Variants in LUZP2 observed in about 807,000 individuals in gnomAD.
The protein encoded by LUZP2 is leucine zipper protein 2.
LUZP2 carries 52 observed loss-of-function variants against 51.6 expected under a neutral mutation model. The ratio of observed to expected loss-of-function variants is 1.01; its 90% CI spans 0.81 to 1.27. LUZP2 has a LOEUF of 1.27. Ranked by LOEUF, LUZP2 falls within the 50% of genes most tolerant of loss-of-function variation. The pLI is 0.00. For missense variants in LUZP2, 436 were observed against 395.4 expected (o/e 1.10, Z -0.87); for synonymous variants, 154 against 137.3 (o/e 1.12, Z -0.85).
intron 1 of LUZP2, among the ~76,000 whole-genome samples, chr11:24,626,979 C>T (rs922754265): frequency 2.0e-5 from 3 of 151,520 alleles, no homozygotes; most frequent in Non-Finnish European, 3.0e-5. Flanking sequence ...CAACTCTAAT[C>T]GACAGGGCAA....
intron 1 of LUZP2, among the ~76,000 whole-genome samples, chr11:24,533,625 T>C (rs1443843122): frequency 6.6e-6 from 1 of 151,312 alleles, no homozygotes; most frequent in Non-Finnish European, 1.5e-5. Flanking sequence ...TTGCTACTTC[T>C]GTTATATATC....
At chr11:24,965,754 G>T (rs1565169167) in intron 7 of LUZP2, among the ~76,000 whole-genome samples, 2 of 151,674 alleles carry the variant, frequency 1.3e-5, no homozygotes, top group East Asian at 3.9e-4. Flanking sequence ...ATATTAAATG[G>T]CTCATTTAAA....
chr11:24,678,860 A>C (rs760610658), intron 1 of LUZP2, among the ~76,000 whole-genome samples: 1 of 152,206 alleles, frequency 6.6e-6, no homozygotes, highest in African/African-American at 2.4e-5. Flanking sequence ...ATTGAGAAGC[A>C]TTTATTCTTC....
chr11:25,068,246 A>G (rs949882966), intron 10 of LUZP2, among the ~76,000 whole-genome samples: 3 of 151,914 alleles, frequency 2.0e-5, no homozygotes, highest in South Asian at 2.1e-4. Flanking sequence ...GCAAACCACA[A>G]TGGCACGTGT....
At chr11:24,595,895 T>C (rs181970918) in intron 1 of LUZP2, among the ~76,000 whole-genome samples, 8 of 152,314 alleles carry the variant, frequency 5.3e-5, no homozygotes, top group Admixed American at 2.0e-4. Flanking sequence ...GACTGAGACA[T>C]GGAGTCAATT....
Position 24,951,120 on chromosome 11 carries a change from T to C in LUZP2, c.523-25471T>C, listed in dbSNP as rs116655871. 5.1e-3 allele frequency among the ~76,000 whole-genome samples: 772 copies of C among 151,642 alleles called. 5 individuals are homozygous for C. Among genetic ancestry groups the C allele is most frequent in the African/African-American group, 0.018 (737 of 41,476 alleles). On this transcript the variant is annotated intron_variant, in intron 7 of 11. Coordinates refer to ENST00000336930, the MANE Select transcript of LUZP2 (RefSeq NM_001009909.4). ...AACAACATAATAACTGGGAATAAAA[T>C]GTACATTATCTTATGTAGATTTGCG...
intron 1 of LUZP2, among the ~76,000 whole-genome samples, chr11:24,509,350 T>C (rs1023205393): frequency 5.3e-5 from 8 of 151,944 alleles, no homozygotes; most frequent in African/African-American, 1.9e-4. Context: ...TCATAACTGT[T>C]CTAGAATTAA....
chr11:24,602,199 C>CATATGTGT lies in LUZP2; in HGVS notation c.62+104898_62+104899insGTGTATAT, dbSNP rs1554961944. On this transcript the variant is annotated intron_variant, in intron 1 of 11. Transcript: ENST00000336930. ...ATATGTGTATATATGTATATATGTA[C>CATATGTGT]ATATATGTGTATATATGTATATATG... Among the ~76,000 whole-genome samples, 70 of 73,426 alleles carry CATATGTGT rather than the reference C, an allele frequency of 9.5e-4. 3 individuals carry two copies. In the East Asian group the frequency reaches 0.017, roughly 18 times the overall value. The allele number at this position is 73,426 out of a possible 152,430, so 48.2% of individuals were successfully genotyped here.
intron 4 of LUZP2, among the ~76,000 whole-genome samples, chr11:24,741,904 TCTATATA>T (rs1859163241): frequency 2.5e-5 from 3 of 122,398 alleles, no homozygotes; most frequent in African/African-American, 8.1e-5. Flanking sequence ...CATATATATT[TCTATATA>T]ATATATACAT....
chr11:24,544,249 T>C (rs1851471913), intron 1 of LUZP2, among the ~76,000 whole-genome samples: 1 of 152,102 alleles, frequency 6.6e-6, no homozygotes, highest in Non-Finnish European at 1.5e-5. Context: ...CATCCTGATT[T>C]CAGCCTAGTA....
At chr11:24,657,364 C>A (rs935299770) in intron 1 of LUZP2, among the ~76,000 whole-genome samples, 3 of 151,950 alleles carry the variant, frequency 2.0e-5, no homozygotes, top group Non-Finnish European at 4.4e-5. Flanking sequence ...ACGTTTAGAA[C>A]TAGGATTCAA....
chr11:24,844,516 G>A (rs1000381222), intron 5 of LUZP2, among the ~76,000 whole-genome samples: 2 of 152,130 alleles, frequency 1.3e-5, no homozygotes, highest in Non-Finnish European at 2.9e-5. Context: ...ATTTTCTGAG[G>A]AGAAATTCAA....
chr11:24,671,920 TC>T (rs1419842542), intron 1 of LUZP2, among the ~76,000 whole-genome samples: 9 of 152,168 alleles, frequency 5.9e-5, no homozygotes, highest in African/African-American at 2.2e-4. Context: ...TTTTTCTTTT[TC>T]TTTTTGCTTG....
At chr11:24,670,975 T>A (rs1856384122) in intron 1 of LUZP2, among the ~76,000 whole-genome samples, 1 of 151,836 alleles carries the variant, frequency 6.6e-6, no homozygotes, top group Non-Finnish European at 1.5e-5. Flanking sequence ...TAAAGCTAAT[T>A]CTCTCTCATT....
At chr11:24,679,454 T>G (rs2133865902) in intron 1 of LUZP2, among the ~76,000 whole-genome samples, 1 of 152,244 alleles carries the variant, frequency 6.6e-6, no homozygotes, top group East Asian at 1.9e-4. Context: ...TAACTAGACC[T>G]TACTGTATGA....
rs530737794 is a variant in LUZP2 at position 25,020,633 on chromosome 11, C to A, written c.766-29405C>A. On this transcript the variant is annotated intron_variant, in intron 9 of 11. Coordinates refer to ENST00000336930, the MANE Select transcript of LUZP2 (RefSeq NM_001009909.4). The stretch of plus-strand genomic sequence containing the variant: ...TTGATTCTGTTCAGTTTTGATTCTA[C>A]ATTTAATCACCTGAAAACACTATTT... 1.3e-4 allele frequency among the ~76,000 whole-genome samples: 20 copies of A among 152,076 alleles called. 1 individual carries two copies. The highest frequency in any genetic ancestry group is 2.6e-4 in the Non-Finnish European group (18 of 67,984).
intron 9 of LUZP2, among the ~76,000 whole-genome samples, chr11:24,991,390 GTGTGTGTATA>G (rs1219981710): frequency 3.1e-5 from 2 of 63,524 alleles, no homozygotes; most frequent in African/African-American, 7.5e-5. Flanking sequence ...GTGTGTGTGT[GTGTGTGTATA>G]TATATATATA....
chr11:24,616,887 A>G (rs534319827), intron 1 of LUZP2, among the ~76,000 whole-genome samples: 2 of 152,284 alleles, frequency 1.3e-5, no homozygotes, highest in African/African-American at 4.8e-5. Context: ...GAGAACTGCA[A>G]TCTTTGGTTG....
chr11:24,617,824 TC>T (rs1854340030), intron 1 of LUZP2, among the ~76,000 whole-genome samples: 1 of 151,752 alleles, frequency 6.6e-6, no homozygotes, highest in African/African-American at 2.4e-5. Flanking sequence ...AGACTCTGCC[TC>T]CAAAAATAGT....
Sources: gnomAD v4.1 joint callset for allele counts (sites outside exome capture counted in the v4.1 genomes callset) on GRCh38, gnomAD v4.1.1 for gene constraint, MANE v1.5 for transcripts, NCBI Gene and HGNC (gene_info 2026-07-23, HGNC 2026-07-21) for gene names.